Variants in TUT7 observed in about 807,000 individuals in gnomAD.
TUT7 encodes terminal uridylyl transferase 7, also known as terminal uridylyltransferase 7.
A neutral mutation model predicts 165.9 loss-of-function variants in TUT7; 33 were observed. The ratio of observed to expected loss-of-function variants is 0.20; its 90% CI spans 0.15 to 0.27. The LOEUF is 0.27. Ranked by LOEUF, TUT7 falls within the 10% of genes least tolerant of loss-of-function variation. TUT7 has a pLI of 1.00. For missense variants in TUT7, 1,338 were observed against 1,762.3 expected (o/e 0.76, Z 4.31); for synonymous variants, 552 against 608.1 (o/e 0.91, Z 1.36).
chr9:86,317,023 T>C (rs1828788822), intron 17 of TUT7, among the ~76,000 whole-genome samples, 196 bp downstream of exon 17: 1 of 152,150 alleles, frequency 6.6e-6, no homozygotes, highest in Non-Finnish European at 1.5e-5. Flanking sequence ...AGGATGCATA[T>C]AGGTTATATG....
intron 17 of TUT7, among the ~76,000 whole-genome samples, chr9:86,313,191 G>C (rs1022277189): frequency 6.6e-6 from 1 of 152,014 alleles, no homozygotes; most frequent in Non-Finnish European, 1.5e-5. Context: ...TAGAATCAAA[G>C]AGGAGCCAAT....
At chr9:86,344,909 A>T in intron 5 of TUT7, 68 bp downstream of exon 5, 1 of 1,331,994 alleles carries the variant, frequency 7.5e-7, no homozygotes, top group Non-Finnish European at 1.0e-6. Context: ...GATGAAAATT[A>T]CTATTGGTAG....
intron 26 of TUT7, among the ~76,000 whole-genome samples, chr9:86,296,728 G>T (rs985981166): frequency 3.3e-5 from 5 of 152,346 alleles, no homozygotes; most frequent in South Asian, 2.1e-4. Flanking sequence ...GAGAGTAGGG[G>T]CTGTCCGTAT....
intron 13 of TUT7, 22 bp downstream of exon 13, chr9:86,322,851 G>T (rs752819051): frequency 6.4e-7 from 1 of 1,552,878 alleles, no homozygotes; most frequent in Non-Finnish European, 8.7e-7. Flanking sequence ...CTAGTTCTAT[G>T]ACTAGTGGTG....
rs190150028 is a variant in TUT7, at chr9:86,353,618, G to T, written c.-31-388C>A. Among the ~76,000 whole-genome samples the T allele has an allele frequency of 3.9e-5, 6 of 152,214 alleles. No individual in the cohort carries two copies. In the East Asian group the frequency reaches 9.6e-4, roughly 24 times the overall value. On this transcript the variant is annotated intron_variant, in intron 1 of 26. Transcript: ENST00000375963. ...AAGCCAATATTATTACTAAACTACC[G>T]AAACAGTCTTTTGTTTTTTAAGTTG...
chr9:86,322,435 T>C lies in TUT7; in HGVS notation c.2918A>G (p.His973Arg). 2 of 1,614,136 alleles carry C rather than the reference T, an allele frequency of 1.2e-6. No individual in the cohort carries two copies. Residue 973 changes from histidine to arginine, a missense_variant, in exon 14 of 27, where the codon CAT becomes CGT. Physicochemically the swap from His to Arg is conservative, Grantham distance 29. This residue lies in a region of TUT7 where 425 missense variants were observed against 474.9 expected (regional missense o/e 0.89). Transcript: ENST00000375963. Reference protein sequence around the residue: ...VVCSLCKREGHLKKDCPEDFK... With the variant: ...VVCSLCKREGRLKKDCPEDFK... ...GTCTTCAGGACAGTCCTTCTTTAGA[T>C]GACCCTCTCGTTTGCATAAGCTGCA...
At position 86,301,466 on chromosome 9, in the gene TUT7, G is replaced by T. The variant is rs779535708; in HGVS notation, c.4230C>A (p.Pro1410=). 11 of 1,614,110 alleles carry T rather than the reference G, an allele frequency of 6.8e-6. No individual in the cohort carries two copies. The Admixed American group carries it at 1.7e-4, about 24-fold the overall frequency. The part of the protein sequence containing the change: ...EREVSTKEDK[P]IQCTPQKAKP... ...TGGCTTTCTGAGGTGTGCACTGTAT[G>T]GGCTTATCTTCTTTTGTTGACACCT... Residue 1410 remains proline, a synonymous_variant, in exon 26 of 27, where the codon CCC becomes CCA. Coordinates refer to ENST00000375963, the MANE Select transcript of TUT7 (RefSeq NM_024617.4).
At chr9:86,308,386 A>T (rs1827724438) in intron 22 of TUT7, 43 bp downstream of exon 22, 1 of 1,533,296 alleles carries the variant, frequency 6.5e-7, no homozygotes, top group African/African-American at 1.4e-5. Flanking sequence ...TTATAGTTCA[A>T]GCTCTATAGT....
At chr9:86,337,792 T>C (rs1196987297) in intron 9 of TUT7, among the ~76,000 whole-genome samples, 1 of 152,248 alleles carries the variant, frequency 6.6e-6, no homozygotes, top group African/African-American at 2.4e-5. Flanking sequence ...GGCCCTAAAA[T>C]ATTATTTCCT....
In TUT7 at chr9:86,323,488, T is replaced by C; in HGVS notation, c.2262A>G (p.Lys754=). 1 of 1,614,260 alleles carries C rather than the reference T, an allele frequency of 6.2e-7. No homozygotes were observed. The highest frequency in any genetic ancestry group is 8.5e-7 in the Non-Finnish European group (1 of 1,180,046). Reference sequence around the variant, plus strand: ...ACAGATGCTTGCCCTTCCTTCCAACTTTCTCTTTCTCGTTTTTCCTTCCTG... The same window carrying C: ...ACAGATGCTTGCCCTTCCTTCCAACCTTCTCTTTCTCGTTTTTCCTTCCTG... ...PETGRKNEKE[K]VGRKGKHLLT... Residue 754 remains lysine, a synonymous_variant, in exon 13 of 27, where the codon AAA becomes AAG. Transcript: ENST00000375963.
chr9:86,351,021 C>G (rs1832244399), intron 2 of TUT7, among the ~76,000 whole-genome samples: 1 of 151,848 alleles, frequency 6.6e-6, no homozygotes, highest in East Asian at 1.9e-4. Context: ...GTAGTCCCAG[C>G]TACTTGGGAG....
intron 17 of TUT7, among the ~76,000 whole-genome samples, chr9:86,316,433 T>G (rs942407606): frequency 6.6e-6 from 1 of 152,008 alleles, no homozygotes; most frequent in Non-Finnish European, 1.5e-5. Flanking sequence ...TCCCATTTCT[T>G]AAAAAAAGAG....
At position 86,338,903 on chromosome 9, in the gene TUT7, T is replaced by A; in HGVS notation, c.1255A>T (p.Thr419Ser). ...CCAAGGGCAGTTAAATGCTTTGTTG[T>A]CAGACAAGCATTTTCATTTCCTGCG... ...VSAGNENACL[T>S]TKHLTALGKL... is the part of the protein sequence containing the mutation. The change falls in exon 9 of 27, where the codon ACA becomes TCA. Residue 419 changes from threonine to serine, a missense_variant. This residue lies in a region of TUT7 where 74 missense variants were observed against 128.5 expected (regional missense o/e 0.58). Coordinates refer to ENST00000375963, the MANE Select transcript of TUT7 (RefSeq NM_024617.4). 6.2e-7 allele frequency: 1 copy of A among 1,612,058 alleles called. No individual in the cohort carries two copies. Among genetic ancestry groups the A allele is most frequent in the Non-Finnish European group, 8.5e-7 (1 of 1,179,044 alleles).
Position 86,329,537 on chromosome 9 carries a change from C to A in TUT7, c.1456-1045G>T, listed in dbSNP as rs1453095734. Among the ~76,000 whole-genome samples the A allele has an allele frequency of 1.4e-3, 205 of 144,990 alleles. 1 individual carries two copies. Among genetic ancestry groups the A allele is most frequent in the African/African-American group, 4.4e-3 (173 of 39,356 alleles). The stretch of plus-strand genomic sequence containing the variant: ...AAACTCCATCTCAAAAAAAAAAAAA[C>A]AAAACAAAAAACAAACAAAAACAGG... On this transcript the variant is annotated intron_variant, in intron 10 of 26. Coordinates refer to ENST00000375963, the MANE Select transcript of TUT7 (RefSeq NM_024617.4).
intron 26 of TUT7, among the ~76,000 whole-genome samples, chr9:86,289,313 G>GA (rs1825739948): frequency 6.6e-6 from 1 of 152,066 alleles, no homozygotes; most frequent in African/African-American, 2.4e-5. Context: ...ATAGATCAAC[G>GA]AAAAAACTGA....
At chr9:86,334,207 C>T (rs117102899) in intron 10 of TUT7, among the ~76,000 whole-genome samples, 4 of 152,248 alleles carry the variant, frequency 2.6e-5, no homozygotes, top group East Asian at 3.9e-4. Context: ...AGAGTACCTC[C>T]GAAGGGCAGG....
chr9:86,338,496 C>CT (rs1831036798), intron 9 of TUT7, among the ~76,000 whole-genome samples: 1 of 152,128 alleles, frequency 6.6e-6, no homozygotes. Flanking sequence ...ATATGAGAAG[C>CT]TTTATCTCAA....
intron 20 of TUT7, 50 bp downstream of exon 20, chr9:86,309,413 C>T: frequency 6.5e-7 from 1 of 1,527,784 alleles, no homozygotes; most frequent in Non-Finnish European, 9.0e-7. Context: ...GAGAAAGGCT[C>T]AGAGATCACC....
chr9:86,306,777 C>T lies in TUT7; in HGVS notation c.3839-1538G>A, dbSNP rs536359675. 4.6e-5 allele frequency among the ~76,000 whole-genome samples: 7 copies of T among 152,048 alleles called. No individual in the cohort carries two copies. In the South Asian group the frequency reaches 8.3e-4, roughly 18 times the overall value. ...TCGCACCATTACACTCCAGCCTGGG[C>T]GAGACAGTGAGACTCTGTCCCCCGC... On this transcript the variant is annotated intron_variant, in intron 22 of 26. Coordinates refer to ENST00000375963, the MANE Select transcript of TUT7 (RefSeq NM_024617.4).
Sources: allele counts gnomAD v4.1 joint callset (sites outside exome capture counted in the v4.1 genomes callset), GRCh38; gene constraint gnomAD v4.1.1; regional missense constraint gnomAD v4.1.1; transcripts MANE v1.5; gene names NCBI Gene and HGNC (gene_info 2026-07-23, HGNC 2026-07-21).